Variants in DYNC2I2 observed in about 807,000 individuals in gnomAD.
DYNC2I2 encodes the protein cytoplasmic dynein 2 intermediate chain 2.
A neutral mutation model predicts 52.0 loss-of-function variants in DYNC2I2; 39 were observed. That is an observed-to-expected ratio of 0.75 (90% CI 0.58 to 0.98). The LOEUF (loss-of-function observed/expected upper bound fraction) is 0.98, where lower values mean the gene tolerates loss of function less well. DYNC2I2 is among the 50% of genes least tolerant of loss of function. The pLI is 0.00. For synonymous variants in DYNC2I2, 359 were observed against 321.1 expected (o/e 1.12, Z -1.26); for missense variants, 743 against 728.4 (o/e 1.02, Z -0.23).
In DYNC2I2 at chr9:128,656,717, G is replaced by A; in HGVS notation, c.10C>T (p.Arg4Cys). 7.0e-7 allele frequency: 1 copy of A among 1,422,208 alleles called. No individual in the cohort carries two copies. The highest frequency in any genetic ancestry group is 9.1e-7 in the Non-Finnish European group (1 of 1,096,056). The allele number at this position is 1,422,208 out of a possible 1,614,324, so 88.1% of individuals were successfully genotyped here. A position where few individuals can be genotyped will look rare whatever the true frequency, so the allele number is the denominator to read the frequency against. ...TGGCTGAGTGGCCCCGGCTGCGCGC[G>A]GGTTGCCATGGAGACGGTTCCGCCC... MAT[R>C]AQPGPLSQAG... The change falls in exon 1 of 9, where the codon CGC becomes TGC. Residue 4 changes from arginine to cysteine, a missense_variant. By Grantham distance (180) the Arg-to-Cys change is radical (BLOSUM62 -3). Coordinates refer to ENST00000372715, the MANE Select transcript of DYNC2I2 (RefSeq NM_052844.4).
chr9:128,637,340 A>G (rs1427664729), intron 2 of DYNC2I2, among the ~76,000 whole-genome samples: 1 of 152,248 alleles, frequency 6.6e-6, no homozygotes, highest in South Asian at 2.1e-4. Context: ...GTTGCCCAGC[A>G]GCATAAAAGT....
In DYNC2I2 at chr9:128,634,207, C is replaced by T. The variant is rs1453654191; in HGVS notation, c.1372+19G>A. The stretch of plus-strand genomic sequence containing the variant: ...CACCCACCCCTTAAACAGATCCAGG[C>T]CTAGCGGCCCCTTCCTACCTTTCCC... On this transcript the variant is annotated intron_variant, in intron 8 of 8. Coordinates refer to ENST00000372715, the MANE Select transcript of DYNC2I2 (RefSeq NM_052844.4). The T allele has an allele frequency of 8.1e-6, 13 of 1,612,526 alleles. No individual in the cohort carries two copies. The highest frequency in any genetic ancestry group is 1.1e-5 in the South Asian group (1 of 90,954).
chr9:128,647,264 C>A (rs1860632455), intron 1 of DYNC2I2, among the ~76,000 whole-genome samples: 1 of 152,196 alleles, frequency 6.6e-6, no homozygotes, highest in Non-Finnish European at 1.5e-5. Context: ...CAAGTCCATA[C>A]CCCGCCACCA....
intron 2 of DYNC2I2, among the ~76,000 whole-genome samples, chr9:128,639,082 AACATAGGAAG>A (rs1860463714): frequency 6.6e-6 from 1 of 152,104 alleles, no homozygotes; most frequent in Non-Finnish European, 1.5e-5. Flanking sequence ...CAGCCTGGGC[AACATAGGAAG>A]ACCCTAACTC....
At chr9:128,675,484 C>T in the DYNC2I2 span, among the ~76,000 whole-genome samples, 3 of 152,034 alleles carry the variant, frequency 2.0e-5, no homozygotes, top group African/African-American at 2.4e-5. Flanking sequence ...CTGGCGGAGC[C>T]TTGATTCTTC....
chr9:128,676,930 G>C, the DYNC2I2 span, among the ~76,000 whole-genome samples: 3 of 150,796 alleles, frequency 2.0e-5, no homozygotes, highest in East Asian at 6.0e-4. Flanking sequence ...CTCACTGCAA[G>C]CTCCACCTCC....
Position 128,656,654 on chromosome 9 carries a change from C to T in DYNC2I2, c.73G>A (p.Gly25Arg), listed in dbSNP as rs1420218175. ...SAGVAALATV[G>R]VASGPGPGRP... Reference sequence around the variant, plus strand: ...CCCGGCCCCGGGCCGCTCGCAACCCCGACTGTCGCCAGCGCCGCAACACCA... The same window carrying T: ...CCCGGCCCCGGGCCGCTCGCAACCCTGACTGTCGCCAGCGCCGCAACACCA... The change falls in exon 1 of 9, where the codon GGG becomes AGG. Residue 25 changes from glycine to arginine, a missense_variant. Gly to Arg is a moderately radical substitution (Grantham distance 125). Transcript: ENST00000372715. 4.0e-6 allele frequency: 6 copies of T among 1,510,612 alleles called. No homozygotes were observed. Among genetic ancestry groups the T allele is most frequent in the Non-Finnish European group, 5.3e-6 (6 of 1,138,186 alleles). The allele number at this position is 1,510,612 out of a possible 1,614,324, so 93.6% of individuals were successfully genotyped here. A position where few individuals can be genotyped will look rare whatever the true frequency, so the allele number is the denominator to read the frequency against.
chr9:128,658,625 C>T (rs1860881649), upstream of DYNC2I2, among the ~76,000 whole-genome samples: 1 of 151,648 alleles, frequency 6.6e-6, no homozygotes, highest in African/African-American at 2.4e-5. Context: ...CCACGCCTGG[C>T]CAATTTTTTG....
the DYNC2I2 span, among the ~76,000 whole-genome samples, chr9:128,676,786 G>C: frequency 6.6e-6 from 1 of 151,078 alleles, no homozygotes; most frequent in Non-Finnish European, 1.5e-5. Context: ...GCCTGCCTCA[G>C]CCTCCCCAAG....
At chr9:128,652,842 C>T (rs1469635620) in intron 1 of DYNC2I2, among the ~76,000 whole-genome samples, 2 of 150,398 alleles carry the variant, frequency 1.3e-5, no homozygotes, top group Non-Finnish European at 2.9e-5. Context: ...CACTTGAACC[C>T]GGGAGGCGGA....
Position 128,634,748 on chromosome 9 carries a change from CTG to C in DYNC2I2, c.1153_1154del (p.Gln385ValfsTer29), listed in dbSNP as rs1226577914. 1.9e-6 allele frequency: 3 copies of C among 1,602,552 alleles called. No individual in the cohort carries two copies. The highest frequency in any genetic ancestry group is 2.3e-5 in the East Asian group (1 of 44,348). On this transcript the variant is annotated frameshift_variant, in exon 7 of 9. Coordinates refer to ENST00000372715, the MANE Select transcript of DYNC2I2 (RefSeq NM_052844.4). LOFTEE classifies it high-confidence loss of function. ...PSSVPLRAPA[Q>X]FTFSPHGGPI... ...GACCGCCGTGGGGGGAGAAGGTAAACTGTGCTGGGGCCCGCAGGGGCACGGAG... is the reference window on the plus strand; with the variant it reads ...GACCGCCGTGGGGGGAGAAGGTAAACTGCTGGGGCCCGCAGGGGCACGGAG...
At chr9:128,664,169 C>T in the DYNC2I2 span, among the ~76,000 whole-genome samples, 1 of 151,956 alleles carries the variant, frequency 6.6e-6, no homozygotes. Flanking sequence ...ACCATGTTAG[C>T]TAGGTTTGTC....
At chr9:128,684,020 G>C in the DYNC2I2 span, 1 of 1,528,032 alleles carries the variant, frequency 6.5e-7, no homozygotes, top group Non-Finnish European at 8.9e-7. Flanking sequence ...ACGTTTCTGC[G>C]CTAAGTTTTA....
the DYNC2I2 span, chr9:128,683,984 C>T: frequency 6.4e-7 from 1 of 1,555,456 alleles, no homozygotes; most frequent in Non-Finnish European, 8.7e-7. Context: ...ACATCGGCCT[C>T]TGCAGGCTTG....
the DYNC2I2 span, among the ~76,000 whole-genome samples, chr9:128,667,527 T>C: frequency 1.3e-5 from 2 of 150,226 alleles, no homozygotes; most frequent in Non-Finnish European, 3.0e-5. Flanking sequence ...GGTTTCATTA[T>C]GTTGGCCAGG....
At position 128,656,587 on chromosome 9, in the gene DYNC2I2, G is replaced by C. The variant is rs1860830386; in HGVS notation, c.140C>G (p.Ser47Cys). ...GACGGCCCTCCACTGCGAGGGCACGGACGCCACACCCAGGGTCTCGTCCTG... is the reference window on the plus strand; with the variant it reads ...GACGGCCCTCCACTGCGAGGGCACGCACGCCACACCCAGGGTCTCGTCCTG... ...PLQDETLGVA[S>C]VPSQWRAVQG... is the part of the protein sequence containing the mutation. The change falls in exon 1 of 9, where the codon TCC becomes TGC. Residue 47 changes from serine (S) to cysteine (C), a missense_variant. Coordinates refer to ENST00000372715, the MANE Select transcript of DYNC2I2 (RefSeq NM_052844.4). 1 of 1,485,568 alleles carries C rather than the reference G, an allele frequency of 6.7e-7. No individual in the cohort carries two copies. The highest frequency in any genetic ancestry group is 8.9e-7 in the Non-Finnish European group (1 of 1,126,018). The allele number at this position is 1,485,568 out of a possible 1,614,324, so 92.0% of individuals were successfully genotyped here.
intron 1 of DYNC2I2, among the ~76,000 whole-genome samples, chr9:128,642,486 T>C (rs1860533813): frequency 1.4e-5 from 2 of 145,250 alleles, no homozygotes; most frequent in Non-Finnish European, 3.0e-5. Context: ...AATTACTTAT[T>C]GAGGCCGGGC....
the DYNC2I2 span, among the ~76,000 whole-genome samples, chr9:128,673,806 AT>A: frequency 0.04 from 4,638 of 115,666 alleles, 75 homozygotes; most frequent in African/African-American, 0.072. Context: ...GCACCCAGCT[AT>A]TTTTTTTTTT....
At chr9:128,648,361 C>T (rs138677920) in intron 1 of DYNC2I2, among the ~76,000 whole-genome samples, 13 of 152,188 alleles carry the variant, frequency 8.5e-5, no homozygotes, top group African/African-American at 2.6e-4. Flanking sequence ...GAGCTGAGAT[C>T]GCGCCATTGC....
Sources: gnomAD v4.1 joint callset for allele counts (sites outside exome capture counted in the v4.1 genomes callset) on GRCh38, gnomAD v4.1.1 for gene constraint, MANE v1.5 for transcripts, NCBI Gene and HGNC (gene_info 2026-07-23, HGNC 2026-07-21) for gene names.